GMFB: variants seen among roughly 807,000 people sequenced by gnomAD.
GMFB encodes GMF-beta.
Under a neutral mutation model 25.6 loss-of-function variants are expected in GMFB, and 13 were observed. That is an observed-to-expected ratio of 0.51 (90% confidence interval 0.33 to 0.81). The LOEUF (loss-of-function observed/expected upper bound fraction) is 0.81. GMFB is among the 30% of genes least tolerant of loss of function. GMFB has a pLI of 0.02. For synonymous variants in GMFB, 57 were observed against 56.9 expected, an observed-to-expected ratio of 1.00 and a Z score of 0.00; for missense variants, 146 against 175.4, an observed-to-expected ratio of 0.83 and a Z score of 0.95.
Position 54,478,132 on chromosome 14 carries a change from G to T in GMFB, c.385C>A (p.Leu129Ile). Residue 129 changes from leucine (L) to isoleucine (I), a missense_variant, in exon 7 of 7, where the codon CTA becomes ATA. By Grantham distance (5) the Leu-to-Ile change is conservative. Coordinates refer to ENST00000358056, the MANE Select transcript of GMFB (RefSeq NM_004124.3). The part of the protein sequence containing the change: ...KVFEIRNTED[L>I]TEEWLREKLG... The stretch of plus-strand genomic sequence containing the variant: ...TTCTCACGTAACCATTCTTCAGTTA[G>T]GTCTTCGGTATTTCTTATTTCAAAT... 1 of 1,421,704 alleles carries T rather than the reference G, an allele frequency of 7.0e-7. No individual in the cohort carries two copies. Among genetic ancestry groups the T allele is most frequent in the Admixed American group, 2.4e-5 (1 of 40,958 alleles). 88.1% of individuals were successfully genotyped at this position (1,421,704 alleles called of 1,614,324 possible). A position where few individuals can be genotyped will look rare whatever the true frequency, so the allele number is the denominator to read the frequency against.
intron 5 of GMFB, 21 bp downstream of exon 5, chr14:54,480,853 T>C (rs2031701764): frequency 8.2e-7 from 1 of 1,222,234 alleles, no homozygotes; most frequent in Non-Finnish European, 1.2e-6. Flanking sequence ...AAATATGTGT[T>C]ATTTAAAGAA....
At chr14:54,487,411 T>C (rs1332454365) in intron 1 of GMFB, among the ~76,000 whole-genome samples, 3 of 152,204 alleles carry the variant, frequency 2.0e-5, no homozygotes, top group African/African-American at 7.2e-5. Context: ...GGCGGGAGCC[T>C]GTAGTCCCAG....
rs1193034050 is a variant in GMFB, at chr14:54,474,857, T to A, written c.*3231A>T. The A allele has an allele frequency of 6.6e-6, 1 of 152,644 alleles. No homozygotes were observed. Among genetic ancestry groups the A allele is most frequent in the Non-Finnish European group, 1.5e-5 (1 of 68,016 alleles). 9.5% of individuals were successfully genotyped at this position (152,644 alleles called of 1,614,324 possible). On this transcript the variant is annotated 3_prime_UTR_variant, in exon 7 of 7. Coordinates refer to ENST00000358056, the MANE Select transcript of GMFB (RefSeq NM_004124.3). ...CACTGATTTGAAATGTCAAATGGCATAATAAAAACAAATTTCTCAAGAATA... is the reference window on the plus strand; with the variant it reads ...CACTGATTTGAAATGTCAAATGGCAAAATAAAAACAAATTTCTCAAGAATA...
chr14:54,480,986 AC>A, intron 4 of GMFB, 30 bp from the exon 5 acceptor site: 1 of 1,069,670 alleles, frequency 9.3e-7, no homozygotes, highest in Non-Finnish European at 1.4e-6. Flanking sequence ...AACTAAAGTT[AC>A]TGCTCTCAGA....
intron 1 of GMFB, among the ~76,000 whole-genome samples, chr14:54,484,969 C>A (rs576557256): frequency 1.4e-4 from 22 of 152,068 alleles, no homozygotes; most frequent in African/African-American, 5.3e-4. Context: ...TGATAAAATT[C>A]AACATCCTTT....
intron 1 of GMFB, among the ~76,000 whole-genome samples, chr14:54,486,429 A>G (rs2031783872): frequency 6.6e-6 from 1 of 152,220 alleles, no homozygotes; most frequent in African/African-American, 2.4e-5. Context: ...GTAAGACCTC[A>G]AAAGCACAGA....
At chr14:54,488,496 TGG>T (rs2031819968) in intron 1 of GMFB, 1 of 177,670 alleles carries the variant, frequency 5.6e-6, no homozygotes, top group Non-Finnish European at 1.2e-5. Context: ...CGCCGCCAGG[TGG>T]AAGATGCTCG....
intron 1 of GMFB, chr14:54,488,699 C>G (rs920502019): frequency 6.1e-6 from 3 of 488,196 alleles, no homozygotes; most frequent in Admixed American, 4.4e-5. Flanking sequence ...CCATGGCCCG[C>G]TGGGCGGGTC....
chr14:54,482,065 G>T, intron 3 of GMFB, 88 bp downstream of exon 3: 2 of 833,088 alleles, frequency 2.4e-6, no homozygotes, highest in Non-Finnish European at 4.1e-6. Context: ...TTCAAGATTC[G>T]TTTTAGAAGC....
chr14:54,485,250 A>G (rs1214067395), intron 1 of GMFB, among the ~76,000 whole-genome samples: 1 of 152,126 alleles, frequency 6.6e-6, no homozygotes. Context: ...TGTTTATGAC[A>G]ACATGATCTT....
chr14:54,477,754 C>T lies in GMFB; in HGVS notation c.*334G>A. 1 of 190,928 alleles carries T rather than the reference C, an allele frequency of 5.2e-6. No homozygotes were observed. The highest frequency in any genetic ancestry group is 1.3e-4 in the East Asian group (1 of 7,692). The allele number at this position is 190,928 out of a possible 1,614,324, so 11.8% of individuals were successfully genotyped here. A position where few individuals can be genotyped will look rare whatever the true frequency, so the allele number is the denominator to read the frequency against. ...TGTCAAAAGGAGGCAACTGTTGTCT[C>T]TCACAATCTAATATATCCACTTTCC... On this transcript the variant is annotated 3_prime_UTR_variant, in exon 7 of 7. Coordinates refer to ENST00000358056, the MANE Select transcript of GMFB (RefSeq NM_004124.3).
Position 54,477,937 on chromosome 14 carries a change from T to C in GMFB, c.*151A>G, listed in dbSNP as rs2031661520. ...ATTACTATGAAGATGATTTCCTCTT[T>C]GTTCAAATTTTGCACAAATGAAGAA... On this transcript the variant is annotated 3_prime_UTR_variant, in exon 7 of 7. Transcript: ENST00000358056. The C allele has an allele frequency of 1.7e-5, 8 of 477,812 alleles. No homozygotes were observed. The East Asian group carries it at 2.8e-4, about 17-fold the overall frequency. The allele number at this position is 477,812 out of a possible 1,614,324, so 29.6% of individuals were successfully genotyped here.
In GMFB at chr14:54,483,711, CT is replaced by C. The variant is rs1323176407; in HGVS notation, c.59del (p.Lys20SerfsTer14). ...VAEDLVEKLR[K>X]FRFRKETNNA... Reference sequence around the variant, plus strand: ...TGTTCGTTTCTTTGCGAAAACGAAACTTTCTCAGCTTTTCCACTAAATCTTC... The same window carrying C: ...TGTTCGTTTCTTTGCGAAAACGAAACTTCTCAGCTTTTCCACTAAATCTTC... On this transcript the variant is annotated frameshift_variant, in exon 2 of 7. Coordinates refer to ENST00000358056, the MANE Select transcript of GMFB (RefSeq NM_004124.3). LOFTEE classifies it high-confidence loss of function. 2.5e-6 allele frequency: 4 copies of C among 1,610,568 alleles called. No homozygotes were observed. The highest frequency in any genetic ancestry group is 3.4e-6 in the Non-Finnish European group (4 of 1,177,118).
At position 54,476,530 on chromosome 14, in the gene GMFB, C is replaced by T. The variant is rs1427978168; in HGVS notation, c.*1558G>A. The T allele has an allele frequency of 6.6e-6, 1 of 151,986 alleles. No homozygotes were observed. Among genetic ancestry groups the T allele is most frequent in the African/African-American group, 2.4e-5 (1 of 41,432 alleles). The allele number at this position is 151,986 out of a possible 1,614,324, so 9.4% of individuals were successfully genotyped here. ...GAAATTGGAATAAAGAATCTTTTCCCTCCAAGAACCAAAACAAACACCTAC... is the reference window on the plus strand; with the variant it reads ...GAAATTGGAATAAAGAATCTTTTCCTTCCAAGAACCAAAACAAACACCTAC... On this transcript the variant is annotated 3_prime_UTR_variant, in exon 7 of 7. Transcript: ENST00000358056.
chr14:54,479,699 A>G, intron 6 of GMFB, 87 bp downstream of exon 6: 1 of 759,336 alleles, frequency 1.3e-6, no homozygotes, highest in South Asian at 1.6e-5. Context: ...ACCTGCATAA[A>G]AAATACTCCT....
chr14:54,481,395 T>A lies in GMFB; in HGVS notation c.200+14A>T. 1 of 1,562,220 alleles carries A rather than the reference T, an allele frequency of 6.4e-7. No individual in the cohort carries two copies. On this transcript the variant is annotated intron_variant, in intron 4 of 6. Transcript: ENST00000358056. ...AAAGAAAATAAATCTTTTAAAGCAC[T>A]AAGAAAAGGATATCGAGGTTGTCGT...
intron 5 of GMFB, chr14:54,480,334 A>G (rs2031694082): frequency 6.3e-6 from 1 of 158,242 alleles, no homozygotes; most frequent in Non-Finnish European, 1.4e-5. Flanking sequence ...ACAAATTATG[A>G]AGTTTGGAGA....
rs2140029709 is a variant in GMFB at position 54,476,639 on chromosome 14, T to G, written c.*1449A>C. On this transcript the variant is annotated 3_prime_UTR_variant, in exon 7 of 7. Coordinates refer to ENST00000358056, the MANE Select transcript of GMFB (RefSeq NM_004124.3). ...CAAACAGTGTTGGGAACAGAAGATG[T>G]TCTATTCAATATCGCAAAAATTCCA... 1 of 152,160 alleles carries G rather than the reference T, an allele frequency of 6.6e-6. No homozygotes were observed. The highest frequency in any genetic ancestry group is 6.5e-5 in the Admixed American group (1 of 15,286). 9.4% of individuals were successfully genotyped at this position (152,160 alleles called of 1,614,324 possible). A position where few individuals can be genotyped will look rare whatever the true frequency, so the allele number is the denominator to read the frequency against.
chr14:54,485,513 TGAAGA>T (rs372130984), intron 1 of GMFB, among the ~76,000 whole-genome samples: 367 of 152,122 alleles, frequency 2.4e-3, no homozygotes, highest in African/African-American at 8.3e-3. Context: ...TGAAAGAAAT[TGAAGA>T]GAACATACAA....
Sources: allele counts gnomAD v4.1 joint callset (sites outside exome capture counted in the v4.1 genomes callset), GRCh38; gene constraint gnomAD v4.1.1; transcripts MANE v1.5; gene names NCBI Gene and HGNC (gene_info 2026-07-23, HGNC 2026-07-21).